Variants in OR2L13 observed in about 807,000 individuals in gnomAD.
OR2L13 encodes olfactory receptor family 2 subfamily L member 13.
Under a neutral mutation model 15.3 loss-of-function variants are expected in OR2L13, and 14 were observed. The ratio of observed to expected loss-of-function variants is 0.91; its 90% CI spans 0.60 to 1.43. OR2L13 has a LOEUF of 1.43. Ranked by LOEUF, OR2L13 falls within the 40% of genes most tolerant of loss-of-function variation. The pLI is 0.00. For synonymous variants in OR2L13, 152 were observed against 142.9 expected (o/e 1.06, Z -0.45); for missense variants, 367 against 387.9 (o/e 0.95, Z 0.45).
exon 3 of OR2L13, chr1:248,099,824 T>C (rs769265203): frequency 1.9e-6 from 3 of 1,613,832 alleles, no homozygotes; most frequent in South Asian, 1.1e-5. Flanking sequence ...TCTTGGACAC[T>C]GGGGTCCATC....
At chr1:248,023,828 T>C in the OR2L13 span, 1 of 152,156 alleles carries the variant, frequency 6.6e-6, no homozygotes, top group Non-Finnish European at 1.5e-5. Context: ...AGAAGGAAGG[T>C]AGAATGAACA....
chr1:247,990,578 T>C, the OR2L13 span: 1 of 1,562,480 alleles, frequency 6.4e-7, no homozygotes, highest in Non-Finnish European at 8.8e-7. Context: ...TTCTTCTTCC[T>C]GACTTTAGCA....
the OR2L13 span, among the ~76,000 whole-genome samples, chr1:247,993,380 A>T: frequency 7.0e-6 from 1 of 143,280 alleles, no homozygotes. Context: ...CTTTTGTTTA[A>T]TTAAGTGCCT....
At chr1:247,956,060 G>A in the OR2L13 span, among the ~76,000 whole-genome samples, 1 of 144,136 alleles carries the variant, frequency 6.9e-6, no homozygotes, top group African/African-American at 2.5e-5. Context: ...TTTCTTCTAG[G>A]GTTTTTATGG....
At chr1:247,987,376 A>G in the OR2L13 span, among the ~76,000 whole-genome samples, 1 of 151,894 alleles carries the variant, frequency 6.6e-6, no homozygotes, top group East Asian at 1.9e-4. Flanking sequence ...CTTTTGTTCT[A>G]TTGCTTTGGC....
chr1:248,074,157 G>T, the OR2L13 span, among the ~76,000 whole-genome samples: 1 of 151,744 alleles, frequency 6.6e-6, no homozygotes, highest in East Asian at 1.9e-4. Flanking sequence ...AAACATTTTG[G>T]CCACAGATAT....
chr1:248,047,405 G>A, the OR2L13 span, among the ~76,000 whole-genome samples: 1 of 152,114 alleles, frequency 6.6e-6, no homozygotes, highest in African/African-American at 2.4e-5. Context: ...GCATAAAAAT[G>A]TTAAAGGGGC....
the OR2L13 span, among the ~76,000 whole-genome samples, chr1:247,940,745 TGTGTGTGTGTGC>T: frequency 2.0e-5 from 3 of 150,864 alleles, no homozygotes; most frequent in South Asian, 2.1e-4. Flanking sequence ...TGTGTGTGTG[TGTGTGTGTGTGC>T]GCGCGCTAAG....
At chr1:248,099,443 G>C in exon 3 of OR2L13, 1 of 1,613,882 alleles carries the variant, frequency 6.2e-7, no homozygotes, top group Non-Finnish European at 8.5e-7. Flanking sequence ...AATCAAACTG[G>C]AATATTTCTC....
At chr1:248,091,694 A>G (rs542136149), upstream of OR2L13, among the ~76,000 whole-genome samples, 72 of 152,092 alleles carry the variant, frequency 4.7e-4, no homozygotes, top group South Asian at 1.7e-3. Flanking sequence ...GCCTTGTAGT[A>G]TAGTTTGAAG....
the OR2L13 span, among the ~76,000 whole-genome samples, chr1:248,071,923 A>T: frequency 5.9e-5 from 9 of 151,718 alleles, no homozygotes; most frequent in Middle Eastern, 3.2e-3. Flanking sequence ...CTTACAAGGG[A>T]TGTGAAGGAC....
chr1:248,098,191 T>A (rs1664776113), intron 1 of OR2L13, among the ~76,000 whole-genome samples: 1 of 152,234 alleles, frequency 6.6e-6, no homozygotes, highest in Non-Finnish European at 1.5e-5. Context: ...TCACTGTATG[T>A]TTGAGTTTGT....
the OR2L13 span, chr1:247,966,388 A>G: frequency 3.9e-6 from 6 of 1,519,728 alleles, no homozygotes; most frequent in Non-Finnish European, 5.3e-6. Context: ...ATCTGGAAAG[A>G]TATAAATATG....
At chr1:247,939,604 C>T in the OR2L13 span, 1 of 152,104 alleles carries the variant, frequency 6.6e-6, no homozygotes, top group South Asian at 2.1e-4. Context: ...GAGCAACATT[C>T]TACATAAAAA....
chr1:247,986,251 C>A, the OR2L13 span, among the ~76,000 whole-genome samples: 1 of 152,138 alleles, frequency 6.6e-6, no homozygotes, highest in Admixed American at 6.5e-5. Flanking sequence ...TTAAGTCTGA[C>A]ATTTAAGTCT....
At chr1:248,084,114 G>C in the OR2L13 span, 13 of 1,611,600 alleles carry the variant, frequency 8.1e-6, no homozygotes, top group Non-Finnish European at 1.1e-5. Context: ...GAAGCTCAGG[G>C]TAGCAACAGC....
At chr1:248,038,470 T>A in the OR2L13 span, 1 of 1,613,880 alleles carries the variant, frequency 6.2e-7, no homozygotes, top group South Asian at 1.1e-5. Context: ...CTCTCCCTCA[T>A]TGACCTAAAT....
At chr1:248,026,578 T>C in the OR2L13 span, among the ~76,000 whole-genome samples, 1 of 152,190 alleles carries the variant, frequency 6.6e-6, no homozygotes, top group Non-Finnish European at 1.5e-5. Context: ...ATCTCACTTA[T>C]ATATTGGTGT....
At chr1:248,034,346 C>G in the OR2L13 span, among the ~76,000 whole-genome samples, 3 of 151,974 alleles carry the variant, frequency 2.0e-5, no homozygotes, top group Non-Finnish European at 2.9e-5. Context: ...CAAAGCAAGA[C>G]TAAGTGAAAA....
Sources: gnomAD v4.1 joint callset for allele counts (sites outside exome capture counted in the v4.1 genomes callset) on GRCh38, gnomAD v4.1.1 for gene constraint, MANE v1.5 for transcripts, NCBI Gene and HGNC (gene_info 2026-07-23, HGNC 2026-07-21) for gene names.